MACROD2: variants seen among roughly 807,000 people sequenced by gnomAD.
MACROD2 encodes mono-ADP ribosylhydrolase 2.
Under a neutral mutation model 70.4 loss-of-function variants are expected in MACROD2, and 36 were observed. The observed-to-expected ratio is 0.51, with a 90% CI of 0.39 to 0.68. MACROD2 has a LOEUF of 0.68. Ranked by LOEUF, MACROD2 falls within the 30% of genes least tolerant of loss-of-function variation. The pLI is 0.00. For missense variants in MACROD2, 496 were observed against 538.4 expected (o/e 0.92, Z 0.78); for synonymous variants, 172 against 178.8 (o/e 0.96, Z 0.30).
chr20:14,085,611 T>G lies in MACROD2; in HGVS notation c.164-10T>G, dbSNP rs757866577. The G allele has an allele frequency of 6.8e-7, 1 of 1,470,418 alleles. No homozygotes were observed. Among genetic ancestry groups the G allele is most frequent in the East Asian group, 2.3e-5 (1 of 42,846 alleles). The allele number at this position is 1,470,418 out of a possible 1,614,324, so 91.1% of individuals were successfully genotyped here. On this transcript the variant is annotated splice_polypyrimidine_tract_variant and intron_variant, in intron 2 of 17. Transcript: ENST00000684519. ...TATTATTATTGATATATATCCATTT[T>G]CTATTACAGAAGAAAATACTCAGGA...
chr20:15,437,782 AAG>A (rs2046445305), intron 7 of MACROD2, among the ~76,000 whole-genome samples: 2 of 152,130 alleles, frequency 1.3e-5, no homozygotes, highest in Non-Finnish European at 2.9e-5. Flanking sequence ...TTAGTTTACT[AAG>A]GATAATAGCT....
At chr20:14,076,130 A>C (rs2053913278) in intron 2 of MACROD2, among the ~76,000 whole-genome samples, 1 of 152,220 alleles carries the variant, frequency 6.6e-6, no homozygotes, top group Non-Finnish European at 1.5e-5. Flanking sequence ...TTTAGAATAA[A>C]AGCTGTAAGA....
chr20:15,476,571 C>CA (rs1491439951), intron 7 of MACROD2, among the ~76,000 whole-genome samples: 2 of 68,104 alleles, frequency 2.9e-5, no homozygotes, highest in Non-Finnish European at 2.7e-5. Context: ...TGTTGTTTTG[C>CA]CCCCCCCCGG....
chr20:14,884,549 A>G (rs2073649148), intron 5 of MACROD2: 1 of 152,142 alleles, frequency 6.6e-6, no homozygotes, highest in Non-Finnish European at 1.5e-5. Context: ...TGTTGGACAA[A>G]GAAGTCACAA....
intron 5 of MACROD2, among the ~76,000 whole-genome samples, chr20:14,688,799 T>C (rs181240400): frequency 2.0e-4 from 31 of 152,326 alleles, no homozygotes; most frequent in Non-Finnish European, 1.5e-5. Context: ...TCAGTTCCAA[T>C]GTCAGTATCA....
At chr20:14,551,009 A>G (rs1457908816) in intron 4 of MACROD2, among the ~76,000 whole-genome samples, 2 of 152,150 alleles carry the variant, frequency 1.3e-5, no homozygotes, top group Admixed American at 1.3e-4. Context: ...TTTATGCAGA[A>G]GATATTCAAG....
intron 5 of MACROD2, among the ~76,000 whole-genome samples, chr20:14,891,932 G>T (rs913737067): frequency 6.6e-6 from 1 of 152,046 alleles, no homozygotes; most frequent in Admixed American, 6.5e-5. Flanking sequence ...TCAATAAGAT[G>T]AATATATGTT....
At chr20:14,269,628 TC>T (rs2082173598) in intron 3 of MACROD2, among the ~76,000 whole-genome samples, 1 of 152,154 alleles carries the variant, frequency 6.6e-6, no homozygotes, top group African/African-American at 2.4e-5. Flanking sequence ...TGAAAAAACA[TC>T]TATTTTCATA....
At chr20:15,340,098 T>A (rs1048641590) in intron 6 of MACROD2, among the ~76,000 whole-genome samples, 2 of 150,114 alleles carry the variant, frequency 1.3e-5, no homozygotes, top group Non-Finnish European at 3.0e-5. Context: ...TTTGTCAACT[T>A]TTCTTTTTCT....
intron 5 of MACROD2, among the ~76,000 whole-genome samples, chr20:14,715,976 C>G (rs148787199): frequency 5.1e-4 from 77 of 152,250 alleles, no homozygotes; most frequent in African/African-American, 1.7e-3. Flanking sequence ...ACCAAAAAAT[C>G]TGTTACATCT....
intron 4 of MACROD2, among the ~76,000 whole-genome samples, chr20:14,643,920 A>T (rs890271971): frequency 3.3e-5 from 5 of 152,192 alleles, no homozygotes; most frequent in African/African-American, 9.7e-5. Context: ...TTTTTTAAAA[A>T]ACCCAAAACT....
chr20:15,135,514 A>G (rs1319194910), intron 5 of MACROD2, among the ~76,000 whole-genome samples: 11 of 140,292 alleles, frequency 7.8e-5, no homozygotes, highest in African/African-American at 3.0e-4. Context: ...AAATTCAACA[A>G]CCCTTCATGC....
At chr20:14,833,120 C>T (rs533478467) in intron 5 of MACROD2, among the ~76,000 whole-genome samples, 2 of 152,246 alleles carry the variant, frequency 1.3e-5, no homozygotes, top group South Asian at 2.1e-4. Context: ...TTTTAGTTAA[C>T]GTAAGTGTAA....
At chr20:15,137,320 CAAT>C (rs935413895) in intron 5 of MACROD2, among the ~76,000 whole-genome samples, 1 of 151,968 alleles carries the variant, frequency 6.6e-6, no homozygotes, top group Non-Finnish European at 1.5e-5. Context: ...AGATGTCCAA[CAAT>C]GATAGACTGC....
At chr20:15,506,603 G>A (rs1387829566) in intron 8 of MACROD2, among the ~76,000 whole-genome samples, 1 of 152,150 alleles carries the variant, frequency 6.6e-6, no homozygotes, top group African/African-American at 2.4e-5. Context: ...CCCCAGTGTG[G>A]GGCCTGCCTT....
chr20:15,978,379 C>T (rs142174675), intron 13 of MACROD2, among the ~76,000 whole-genome samples: 3,153 of 152,246 alleles, frequency 0.021, 105 homozygotes, highest in African/African-American at 0.072. Context: ...TCATGAGAAA[C>T]GTGGATAAAC....
intron 3 of MACROD2, among the ~76,000 whole-genome samples, chr20:14,449,576 T>C (rs1326323550): frequency 2.0e-5 from 3 of 152,092 alleles, no homozygotes; most frequent in African/African-American, 4.8e-5. Context: ...CAAACAAAGC[T>C]GAGTGTTAGT....
intron 5 of MACROD2, among the ~76,000 whole-genome samples, chr20:14,943,123 G>A (rs1408578363): frequency 6.6e-6 from 1 of 152,178 alleles, no homozygotes; most frequent in African/African-American, 2.4e-5. Flanking sequence ...CAGTTGAAAA[G>A]TGTTCAAGTG....
intron 8 of MACROD2, among the ~76,000 whole-genome samples, chr20:15,793,360 G>A (rs971763631): frequency 2.0e-5 from 3 of 152,150 alleles, no homozygotes; most frequent in African/African-American, 7.2e-5. Flanking sequence ...TGCTGCCTCT[G>A]TTCCAGGCAC....
Sources: gnomAD v4.1 joint callset for allele counts (sites outside exome capture counted in the v4.1 genomes callset) on GRCh38, gnomAD v4.1.1 for gene constraint, MANE v1.5 for transcripts, NCBI Gene and HGNC (gene_info 2026-07-23, HGNC 2026-07-21) for gene names.